The following PGBD2 variants were observed in gnomAD, a reference collection of about 807,000 sequenced individuals.
PGBD2 encodes the protein piggyBac transposable element derived 2, also known as piggyBac transposable element-derived protein 2.
In PGBD2, 6 loss-of-function variants were observed where a neutral mutation model predicts 8.1. The ratio of observed to expected loss-of-function variants is 0.74; its 90% CI spans 0.40 to 1.46. The LOEUF (loss-of-function observed/expected upper bound fraction) is 1.46. Among genes scored for constraint, PGBD2 ranks in the 40% most tolerant of loss-of-function variants. The pLI is 0.02. For synonymous variants in PGBD2, 318 were observed against 272.2 expected, an observed-to-expected ratio of 1.17 and a Z score of -1.66; for missense variants, 802 against 739.0, an observed-to-expected ratio of 1.09 and a Z score of -0.99.
rs1662183653 is a variant in PGBD2 at position 248,918,111 on chromosome 1, C to A, written c.1527C>A (p.Ala509=). The change falls in exon 3 of 3, where the codon GCC becomes GCA. Residue 509 remains alanine, a synonymous_variant. Coordinates refer to ENST00000329291, the MANE Select transcript of PGBD2 (RefSeq NM_170725.3). ...WQLHRICCQD[A]QVDLLAFRRY... ...TGCATAGAATCTGCTGCCAAGATGC[C>A]CAGGTGGACCTCCTTGCCTTCCGGA... 1 of 1,614,054 alleles carries A rather than the reference C, an allele frequency of 6.2e-7. No homozygotes were observed. Among genetic ancestry groups the A allele is most frequent in the African/African-American group, 1.3e-5 (1 of 74,918 alleles).
the PGBD2 span, among the ~76,000 whole-genome samples, chr1:248,898,742 A>G: frequency 6.6e-6 from 1 of 152,228 alleles, no homozygotes; most frequent in Non-Finnish European, 1.5e-5. Flanking sequence ...TGACGGGAAC[A>G]AATTCACAAA....
intron 1 of PGBD2, among the ~76,000 whole-genome samples, chr1:248,908,555 C>T (rs1287667753): frequency 1.3e-5 from 2 of 152,162 alleles, no homozygotes; most frequent in Non-Finnish European, 2.9e-5. Flanking sequence ...CCATAGGCCC[C>T]ACCCTTTTGC....
chr1:248,903,922 G>A (rs1309590995), upstream of PGBD2, among the ~76,000 whole-genome samples: 1 of 152,020 alleles, frequency 6.6e-6, no homozygotes, highest in African/African-American at 2.4e-5. Flanking sequence ...TCAACCATAA[G>A]GTGTTATTTA....
At chr1:248,907,456 T>G (rs1192810734) in intron 1 of PGBD2, among the ~76,000 whole-genome samples, 1 of 152,222 alleles carries the variant, frequency 6.6e-6, no homozygotes, top group East Asian at 1.9e-4. Flanking sequence ...TTTCCTCTTT[T>G]ACTAATCCAC....
chr1:248,899,089 C>A, the PGBD2 span, among the ~76,000 whole-genome samples: 1 of 152,154 alleles, frequency 6.6e-6, no homozygotes, highest in African/African-American at 2.4e-5. Flanking sequence ...TACTGGGGCA[C>A]CCACATTCTT....
In PGBD2 at chr1:248,916,868, T is replaced by C. The variant is rs754526394; in HGVS notation, c.284T>C (p.Leu95Pro). The change falls in exon 3 of 3, where the codon CTG (leucine) becomes CCG (proline). Residue 95 changes from leucine (L) to proline (P), a missense_variant. By Grantham distance (98) the Leu-to-Pro change is moderately conservative. Transcript: ENST00000329291. Reference protein sequence around the residue: ...GTGEDNDDLELQPAKKRQKAV... With the variant: ...GTGEDNDDLEPQPAKKRQKAV... ...GGGGAGGATAATGACGACCTGGAGCTGCAGCCAGCCAAGAAGAGGCAGAAA... is the reference window on the plus strand; with the variant it reads ...GGGGAGGATAATGACGACCTGGAGCCGCAGCCAGCCAAGAAGAGGCAGAAA... 6 of 1,613,976 alleles carry C rather than the reference T, an allele frequency of 3.7e-6. No homozygotes were observed. Among genetic ancestry groups the C allele is most frequent in the Non-Finnish European group, 5.1e-6 (6 of 1,180,026 alleles).
the PGBD2 span, among the ~76,000 whole-genome samples, chr1:248,882,259 G>A: frequency 6.6e-6 from 1 of 152,186 alleles, no homozygotes; most frequent in Admixed American, 6.5e-5. Flanking sequence ...GTAGGTTAGT[G>A]AGGGATTTAG....
In PGBD2 at chr1:248,916,838, G is replaced by T; in HGVS notation, c.254G>T (p.Gly85Val). 6.2e-7 allele frequency: 1 copy of T among 1,614,120 alleles called. No individual in the cohort carries two copies. Among genetic ancestry groups the T allele is most frequent in the Non-Finnish European group, 8.5e-7 (1 of 1,180,028 alleles). ...LHASVLCEDS[G>V]TGEDNDDLEL... ...GCTTCAGTCCTGTGTGAGGACTCTGGCACCGGGGAGGATAATGACGACCTG... is the reference window on the plus strand; with the variant it reads ...GCTTCAGTCCTGTGTGAGGACTCTGTCACCGGGGAGGATAATGACGACCTG... The change falls in exon 3 of 3, where the codon GGC (glycine) becomes GTC (valine). Residue 85 changes from glycine (G) to valine (V), a missense_variant. Transcript: ENST00000329291.
intron 2 of PGBD2, chr1:248,914,324 G>A (rs1362403414): frequency 1.2e-6 from 1 of 860,938 alleles, no homozygotes; most frequent in Non-Finnish European, 1.4e-6. Flanking sequence ...TGAACTGGGT[G>A]AGGACAGGTC....
rs973142186 is a variant in PGBD2, at chr1:248,917,913, G to A, written c.1329G>A (p.Thr443=). Residue 443 remains threonine, a synonymous_variant, in exon 3 of 3, where the codon ACG becomes ACA. Coordinates refer to ENST00000329291, the MANE Select transcript of PGBD2 (RefSeq NM_170725.3). ...GTCGTCACTCTGGAGCAGCTAAAAC[G>A]CGGACTCAGGTCCACCAGCCATCAC... is the stretch of plus-strand genomic sequence containing the variant. ...LTSRHSGAAK[T]RTQVHQPSLV... 1.3e-5 allele frequency: 21 copies of A among 1,614,104 alleles called. No individual in the cohort carries two copies. Among genetic ancestry groups the A allele is most frequent in the African/African-American group, 2.7e-5 (2 of 74,938 alleles).
chr1:248,887,581 G>T, the PGBD2 span, among the ~76,000 whole-genome samples: 1 of 152,134 alleles, frequency 6.6e-6, no homozygotes, highest in Non-Finnish European at 1.5e-5. Flanking sequence ...TGAGTTTTCA[G>T]TTAGGAGATG....
chr1:248,921,918 A>T (rs1050190921), downstream of PGBD2, among the ~76,000 whole-genome samples: 1 of 152,156 alleles, frequency 6.6e-6, no homozygotes, highest in African/African-American at 2.4e-5. Context: ...GAGTTCACTC[A>T]TGATTCGGCT....
chr1:248,882,015 A>G, the PGBD2 span, among the ~76,000 whole-genome samples: 1 of 152,208 alleles, frequency 6.6e-6, no homozygotes, highest in Non-Finnish European at 1.5e-5. Context: ...GAAAGCTTCA[A>G]GTTTATTTAC....
At chr1:248,895,848 C>T in the PGBD2 span, among the ~76,000 whole-genome samples, 3 of 151,784 alleles carry the variant, frequency 2.0e-5, no homozygotes, top group African/African-American at 4.8e-5. Context: ...CCACCACGCC[C>T]AGCTAATTTT....
At chr1:248,928,488 C>G in the PGBD2 span, among the ~76,000 whole-genome samples, 2 of 152,282 alleles carry the variant, frequency 1.3e-5, no homozygotes, top group African/African-American at 4.8e-5. Context: ...CTGTTTCTAG[C>G]ATGTATTTAT....
At chr1:248,873,799 GCTGGCA>G in the PGBD2 span, among the ~76,000 whole-genome samples, 2 of 152,224 alleles carry the variant, frequency 1.3e-5, no homozygotes, top group Admixed American at 1.3e-4. Context: ...GACGCGGCAG[GCTGGCA>G]CCAGCGGACA....
the PGBD2 span, among the ~76,000 whole-genome samples, chr1:248,882,047 TG>T: frequency 1.3e-5 from 2 of 152,164 alleles, no homozygotes; most frequent in Admixed American, 1.3e-4. Flanking sequence ...TCTGTATGAA[TG>T]TTTATTGTGG....
intron 1 of PGBD2, among the ~76,000 whole-genome samples, chr1:248,910,207 G>T (rs954492582): frequency 6.6e-6 from 1 of 152,228 alleles, no homozygotes. Flanking sequence ...GCAGCAAAAT[G>T]TATGGATATT....
At chr1:248,925,570 C>CTTT in the PGBD2 span, among the ~76,000 whole-genome samples, 1 of 133,068 alleles carries the variant, frequency 7.5e-6, no homozygotes, top group African/African-American at 2.8e-5. Context: ...GCTACCATGA[C>CTTT]TTTTTTTTTT....
Sources: gnomAD v4.1 joint callset for allele counts (sites outside exome capture counted in the v4.1 genomes callset) on GRCh38, gnomAD v4.1.1 for gene constraint, MANE v1.5 for transcripts, NCBI Gene and HGNC (gene_info 2026-07-23, HGNC 2026-07-21) for gene names.